The following COG5 variants were observed in gnomAD, a reference collection of about 807,000 sequenced individuals.
COG5 encodes conserved oligomeric Golgi complex subunit 5.
A neutral mutation model predicts 110.4 loss-of-function variants in COG5; 86 were observed. The observed-to-expected ratio is 0.78, with a 90% CI of 0.65 to 0.93. COG5 has a LOEUF of 0.93. Among genes scored for constraint, COG5 ranks in the 40% least tolerant of loss-of-function variants. The pLI, the probability that COG5 is intolerant of heterozygous loss-of-function variation, is 0.00. For missense variants in COG5, 1,077 were observed against 987.0 expected (o/e 1.09, Z -1.22); for synonymous variants, 360 against 334.6 (o/e 1.08, Z -0.83).
chr7:107,420,395 AC>A (rs1168529576), intron 6 of COG5, among the ~76,000 whole-genome samples: 4 of 152,242 alleles, frequency 2.6e-5, no homozygotes, highest in African/African-American at 7.2e-5. Flanking sequence ...GAGAAGAAGC[AC>A]CCGGAAGAAC....
intron 7 of COG5, among the ~76,000 whole-genome samples, chr7:107,412,221 T>C (rs980420968): frequency 1.2e-4 from 19 of 152,238 alleles, no homozygotes; most frequent in Middle Eastern, 6.8e-3. Flanking sequence ...AAAGCAGGCA[T>C]GGTCAGCTAG....
At chr7:107,232,881 G>A (rs572712230) in intron 18 of COG5, among the ~76,000 whole-genome samples, 3 of 152,178 alleles carry the variant, frequency 2.0e-5, no homozygotes, top group East Asian at 3.9e-4. Flanking sequence ...CTGCAGGCAC[G>A]GTGAACTAAT....
chr7:107,524,986 T>A (rs562963899), intron 6 of COG5, among the ~76,000 whole-genome samples: 2 of 152,028 alleles, frequency 1.3e-5, no homozygotes, highest in Non-Finnish European at 2.9e-5. Flanking sequence ...TGGAGTGCAG[T>A]TGCAGATCTC....
intron 21 of COG5, among the ~76,000 whole-genome samples, chr7:107,205,069 C>T (rs1343110644): frequency 6.6e-6 from 1 of 152,214 alleles, no homozygotes. Context: ...ATCTTGTGCC[C>T]TAATGATTGC....
At chr7:107,461,339 T>C (rs1344169004) in intron 6 of COG5, among the ~76,000 whole-genome samples, 1 of 151,920 alleles carries the variant, frequency 6.6e-6, no homozygotes, top group Non-Finnish European at 1.5e-5. Context: ...AGAAAAACCA[T>C]ATGAACCCTC....
At chr7:107,304,440 G>T (rs1412054407) in intron 11 of COG5, among the ~76,000 whole-genome samples, 8 of 152,142 alleles carry the variant, frequency 5.3e-5, no homozygotes, top group African/African-American at 1.9e-4. Context: ...CTTTTACCTA[G>T]ATTTAACACT....
In COG5 at chr7:107,295,094, TA is replaced by T. The variant is rs1562955804; in HGVS notation, c.1313+3047del. 1.4e-3 allele frequency among the ~76,000 whole-genome samples: 112 copies of T among 77,474 alleles called. 1 individual carries two copies. The highest frequency in any genetic ancestry group is 2.0e-3 in the African/African-American group (39 of 19,912). 50.8% of individuals were successfully genotyped at this position (77,474 alleles called of 152,430 possible). A position where few individuals can be genotyped will look rare whatever the true frequency, so the allele number is the denominator to read the frequency against. ...ATATATATATATATATATATATATATATATATATTTTTTTTTTTTTTTTGTA... is the reference window on the plus strand; with the variant it reads ...ATATATATATATATATATATATATATTATATATTTTTTTTTTTTTTTTGTA... On this transcript the variant is annotated intron_variant, in intron 12 of 21. Coordinates refer to ENST00000297135, the MANE Select transcript of COG5 (RefSeq NM_006348.5).
intron 7 of COG5, among the ~76,000 whole-genome samples, chr7:107,411,584 T>C (rs986612163): frequency 1.8e-4 from 27 of 152,152 alleles, no homozygotes; most frequent in African/African-American, 6.3e-4. Context: ...CACACTGTGG[T>C]ATTCATTCTA....
intron 5 of COG5, among the ~76,000 whole-genome samples, chr7:107,537,900 C>T (rs961233144): frequency 7.2e-5 from 11 of 152,000 alleles, no homozygotes; most frequent in African/African-American, 2.7e-4. Context: ...ACTTCATACC[C>T]AATAATGATA....
At chr7:107,240,413 A>AC (rs917100848) in intron 17 of COG5, among the ~76,000 whole-genome samples, 10 of 152,092 alleles carry the variant, frequency 6.6e-5, no homozygotes, top group African/African-American at 2.4e-4. Flanking sequence ...ACAGGGTTTC[A>AC]CCATGTTGGC....
chr7:107,522,429 T>C (rs555601312), intron 6 of COG5, among the ~76,000 whole-genome samples: 5 of 152,086 alleles, frequency 3.3e-5, no homozygotes, highest in South Asian at 4.2e-4. Context: ...GATTGCGCCA[T>C]TGCACTCCAG....
chr7:107,563,909 C>A lies in COG5; in HGVS notation c.-13G>T, dbSNP rs915925086. On this transcript the variant is annotated 5_prime_UTR_variant, in exon 1 of 22. Coordinates refer to ENST00000297135, the MANE Select transcript of COG5 (RefSeq NM_006348.5). ...CGCCACCTTCCATGTTGGCAGGTGC[C>A]GGGTTGATGTCGTCAGCAGCAGAAC... The A allele has an allele frequency of 2.5e-6, 4 of 1,613,454 alleles. No homozygotes were observed. Among genetic ancestry groups the A allele is most frequent in the African/African-American group, 2.7e-5 (2 of 75,054 alleles).
At chr7:107,396,454 A>C (rs1791016105) in intron 7 of COG5, among the ~76,000 whole-genome samples, 1 of 150,166 alleles carries the variant, frequency 6.7e-6, no homozygotes, top group African/African-American at 2.5e-5. Context: ...CATACACCAG[A>C]AATCAACTTT....
chr7:107,449,670 G>A (rs1021571557), intron 6 of COG5, among the ~76,000 whole-genome samples: 1 of 152,156 alleles, frequency 6.6e-6, no homozygotes, highest in African/African-American at 2.4e-5. Flanking sequence ...GAAAAGACAG[G>A]ACATTACAAG....
chr7:107,417,069 A>G (rs1313148130), intron 6 of COG5, among the ~76,000 whole-genome samples: 1 of 152,162 alleles, frequency 6.6e-6, no homozygotes, highest in East Asian at 1.9e-4. Flanking sequence ...CCTCCTGGAT[A>G]TTTATGTGAG....
At position 107,558,335 on chromosome 7, in the gene COG5, T is replaced by A. The variant is rs6946507; in HGVS notation, c.95-220A>T. On this transcript the variant is annotated intron_variant, in intron 1 of 21. Coordinates refer to ENST00000297135, the MANE Select transcript of COG5 (RefSeq NM_006348.5). The stretch of plus-strand genomic sequence containing the variant: ...ACGACTGGCCAGGCACACTGGCTCA[T>A]GCCTGTAATCCCAGCACTTTGGGAG... Among the ~76,000 whole-genome samples the A allele has an allele frequency of 0.014, 2,075 of 152,296 alleles. 45 individuals carry two copies. The highest frequency in any genetic ancestry group is 0.046 in the African/African-American group (1,902 of 41,562).
At chr7:107,303,677 G>A (rs1465267089) in intron 11 of COG5, among the ~76,000 whole-genome samples, 2 of 151,734 alleles carry the variant, frequency 1.3e-5, no homozygotes, top group Non-Finnish European at 2.9e-5. Context: ...CTAGGCTCAA[G>A]GAATCCTCCC....
At chr7:107,304,264 C>A (rs1406594492) in intron 11 of COG5, among the ~76,000 whole-genome samples, 2 of 152,150 alleles carry the variant, frequency 1.3e-5, no homozygotes, top group Admixed American at 6.5e-5. Context: ...AGTCTATGTG[C>A]TCAATTTCTC....
chr7:107,308,860 T>C (rs1264584470), intron 11 of COG5, among the ~76,000 whole-genome samples: 1 of 150,096 alleles, frequency 6.7e-6, no homozygotes, highest in Non-Finnish European at 1.5e-5. Context: ...GTAGATGGTC[T>C]ATTCAAAGTG....
Sources: gnomAD v4.1 joint callset for allele counts (sites outside exome capture counted in the v4.1 genomes callset) on GRCh38, gnomAD v4.1.1 for gene constraint, MANE v1.5 for transcripts, NCBI Gene and HGNC (gene_info 2026-07-23, HGNC 2026-07-21) for gene names.